Variants in NUP35 observed in about 807,000 individuals in gnomAD.
NUP35 encodes the protein nucleoporin NUP35.
A neutral mutation model predicts 41.5 loss-of-function variants in NUP35; 25 were observed. The observed-to-expected ratio is 0.60, with a 90% CI of 0.44 to 0.84. The LOEUF (loss-of-function observed/expected upper bound fraction) is 0.84, where lower values mean the gene tolerates loss of function less well. NUP35 is among the 40% of genes least tolerant of loss of function. NUP35 has a pLI of 0.00. For missense variants in NUP35, 396 were observed against 396.6 expected (o/e 1.00, Z 0.01); for synonymous variants, 149 against 130.7 (o/e 1.14, Z -0.96).
At chr2:183,132,665 G>T (rs1684740425) in intron 3 of NUP35, among the ~76,000 whole-genome samples, 1 of 152,188 alleles carries the variant, frequency 6.6e-6, no homozygotes, top group African/African-American at 2.4e-5. Context: ...ACAGACAAAG[G>T]CTTACAGATA....
At position 183,128,599 on chromosome 2, in the gene NUP35, T is replaced by TA. The variant is rs34331888; in HGVS notation, c.211+157dup. 6.2e-3 allele frequency: 2,275 copies of TA among 369,344 alleles called. 1 individual carries two copies. The highest frequency in any genetic ancestry group is 0.011 in the East Asian group (266 of 25,068). The allele number at this position is 369,344 out of a possible 1,614,324, so 22.9% of individuals were successfully genotyped here. A position where few individuals can be genotyped will look rare whatever the true frequency, so the allele number is the denominator to read the frequency against. On this transcript the variant is annotated intron_variant, in intron 2 of 8. Coordinates refer to ENST00000295119, the MANE Select transcript of NUP35 (RefSeq NM_138285.5). ...GTAACTCTAATAATAGCTGATGAGC[T>TA]AAAAAAAAAAAAAAATGCAAAAAAA... is the stretch of plus-strand genomic sequence containing the variant.
intron 5 of NUP35, among the ~76,000 whole-genome samples, chr2:183,152,699 T>C (rs1685512831): frequency 6.6e-6 from 1 of 152,162 alleles, no homozygotes; most frequent in Admixed American, 6.5e-5. Context: ...TAAAACTCCT[T>C]AGAGATCATA....
intron 2 of NUP35, 88 bp from the exon 3 acceptor site, chr2:183,130,330 T>G: frequency 1.5e-6 from 2 of 1,346,408 alleles, no homozygotes; most frequent in Non-Finnish European, 2.0e-6. Context: ...CAGACAAGAT[T>G]TTAAGTCAGT....
rs374120359 is a variant in NUP35 at position 183,151,500 on chromosome 2, T to G, written c.398-8T>G. The G allele has an allele frequency of 1.6e-4, 255 of 1,612,324 alleles. No homozygotes were observed. The highest frequency in any genetic ancestry group is 2.0e-4 in the Non-Finnish European group (230 of 1,179,450). On this transcript the variant is annotated splice_polypyrimidine_tract_variant and splice_region_variant and intron_variant, in intron 4 of 8. Coordinates refer to ENST00000295119, the MANE Select transcript of NUP35 (RefSeq NM_138285.5). ...CTGGCAACTAACTTGCTAAATATAC[T>G]AATATAGGGCAAAGTATGTTTAGTC...
intron 4 of NUP35, among the ~76,000 whole-genome samples, chr2:183,150,602 CTTTA>C (rs891147118): frequency 6.6e-6 from 1 of 151,866 alleles, no homozygotes; most frequent in African/African-American, 2.4e-5. Context: ...CCCTTCTCTG[CTTTA>C]TTTTTTTTTC....
chr2:183,149,630 C>G (rs544061971), intron 4 of NUP35, among the ~76,000 whole-genome samples: 10 of 152,264 alleles, frequency 6.6e-5, no homozygotes, highest in East Asian at 3.9e-4. Context: ...GTTGGCTGAT[C>G]TCATGAGAGA....
intron 1 of NUP35, among the ~76,000 whole-genome samples, chr2:183,127,006 G>A (rs1684513740): frequency 6.6e-6 from 1 of 152,196 alleles, no homozygotes; most frequent in East Asian, 1.9e-4. Context: ...AGCTATACTT[G>A]CTATAATTCT....
intron 4 of NUP35, among the ~76,000 whole-genome samples, chr2:183,148,547 T>A (rs1020561992): frequency 6.6e-6 from 1 of 152,192 alleles, no homozygotes. Context: ...CTCTGATGAT[T>A]TGTGATGTTG....
Position 183,128,305 on chromosome 2 carries a change from T to C in NUP35, c.59T>C (p.Leu20Pro). Residue 20 changes from leucine (L) to proline (P), a missense_variant, in exon 2 of 9, where the codon CTG (leucine) becomes CCG (proline). Coordinates refer to ENST00000295119, the MANE Select transcript of NUP35 (RefSeq NM_138285.5). ...CATGTAGGATCTGAACCAATGATGC[T>C]GGGTTCACCCACATCTCCAAAGCCA... Reference protein sequence around the residue: ...GPALGSEPMMLGSPTSPKPGV... With the variant: ...GPALGSEPMMPGSPTSPKPGV... The C allele has an allele frequency of 1.2e-6, 2 of 1,612,806 alleles. No individual in the cohort carries two copies. The highest frequency in any genetic ancestry group is 1.7e-6 in the Non-Finnish European group (2 of 1,179,298).
intron 4 of NUP35, among the ~76,000 whole-genome samples, chr2:183,142,256 A>G (rs2105579351): frequency 6.6e-6 from 1 of 152,068 alleles, no homozygotes; most frequent in African/African-American, 2.4e-5. Flanking sequence ...GCTTATATTT[A>G]TTCTTCAGTT....
intron 2 of NUP35, 92 bp from the exon 3 acceptor site, chr2:183,130,326 A>G: frequency 7.6e-7 from 1 of 1,317,904 alleles, no homozygotes; most frequent in Non-Finnish European, 1.0e-6. Context: ...CTAACAGACA[A>G]GATTTTAAGT....
chr2:183,155,152 AT>A (rs1685610628), intron 5 of NUP35, among the ~76,000 whole-genome samples: 1 of 152,238 alleles, frequency 6.6e-6, no homozygotes, highest in Non-Finnish European at 1.5e-5. Context: ...GCTGAACTGT[AT>A]CACATGCTGA....
intron 8 of NUP35, 182 bp downstream of exon 8, chr2:183,159,834 G>T: frequency 4.2e-6 from 2 of 478,670 alleles, no homozygotes; most frequent in South Asian, 4.5e-5. Context: ...CAATTGGAAA[G>T]TTATCATGAA....
At chr2:183,136,613 G>C (rs982357148) in intron 4 of NUP35, among the ~76,000 whole-genome samples, 2 of 152,094 alleles carry the variant, frequency 1.3e-5, no homozygotes, top group Non-Finnish European at 2.9e-5. Flanking sequence ...TTACTTTTCT[G>C]CCTTCTGCTG....
rs1250336193 is a variant in NUP35, at chr2:183,153,541, C to T, written c.539+1892C>T. Reference sequence around the variant, plus strand: ...CATGCAAGTTCAAAATCCAGAGGGGCAGTCAAATTTTAAAGCTCCAAAATG... The same window carrying T: ...CATGCAAGTTCAAAATCCAGAGGGGTAGTCAAATTTTAAAGCTCCAAAATG... On this transcript the variant is annotated intron_variant, in intron 5 of 8. Coordinates refer to ENST00000295119, the MANE Select transcript of NUP35 (RefSeq NM_138285.5). Among the ~76,000 whole-genome samples, 3 of 152,208 alleles carry T rather than the reference C, an allele frequency of 2.0e-5. No homozygotes were observed. In the South Asian group the frequency reaches 6.2e-4, roughly 31 times the overall value.
chr2:183,119,525 TG>T (rs1481211723), upstream of NUP35, among the ~76,000 whole-genome samples: 4 of 151,900 alleles, frequency 2.6e-5, no homozygotes, highest in Non-Finnish European at 5.9e-5. Flanking sequence ...CTTTGCAAAT[TG>T]GGGTGGAAAG....
At chr2:183,130,387 C>CG (rs1684653862) in intron 2 of NUP35, 31 bp from the exon 3 acceptor site, 1 of 1,271,290 alleles carries the variant, frequency 7.9e-7, no homozygotes, top group Non-Finnish European at 1.0e-6. Context: ...AGAAGAATCC[C>CG]TTTTTTTTTT....
upstream of NUP35, among the ~76,000 whole-genome samples, chr2:183,120,509 A>G (rs575954830): frequency 6.6e-6 from 1 of 152,030 alleles, no homozygotes; most frequent in South Asian, 2.1e-4. Context: ...GAGAAACTGA[A>G]GGCAGGGAGA....
At chr2:183,151,739 T>C in intron 5 of NUP35, 90 bp downstream of exon 5, 1 of 1,275,942 alleles carries the variant, frequency 7.8e-7, no homozygotes, top group Non-Finnish European at 1.1e-6. Flanking sequence ...TGGAAAGAAG[T>C]GCATAGCAAA....
Sources: gnomAD v4.1 joint callset for allele counts (sites outside exome capture counted in the v4.1 genomes callset) on GRCh38, gnomAD v4.1.1 for gene constraint, MANE v1.5 for transcripts, NCBI Gene and HGNC (gene_info 2026-07-23, HGNC 2026-07-21) for gene names.